Variants in CEMIP2 observed in about 807,000 individuals in gnomAD.
CEMIP2 encodes cell surface hyaluronidase CEMIP2.
In CEMIP2, 79 loss-of-function variants were observed where a neutral mutation model predicts 146.9. The ratio of observed to expected loss-of-function variants is 0.54; its 90% CI spans 0.45 to 0.65. The LOEUF is 0.65. CEMIP2 is among the 30% of genes least tolerant of loss of function. The pLI is 0.00. For missense variants in CEMIP2, 1,596 were observed against 1,696.2 expected (o/e 0.94, Z 1.04); for synonymous variants, 601 against 606.3 (o/e 0.99, Z 0.13).
chr9:71,713,180 T>C (rs1241730291), intron 15 of CEMIP2, among the ~76,000 whole-genome samples: 1 of 152,184 alleles, frequency 6.6e-6, no homozygotes, highest in Non-Finnish European at 1.5e-5. Context: ...TCCCACGTGT[T>C]GTGGGAGGGA....
chr9:71,756,506 T>TCTCACACA (rs1010879160), intron 1 of CEMIP2, among the ~76,000 whole-genome samples: 2 of 112,494 alleles, frequency 1.8e-5, no homozygotes, highest in African/African-American at 6.8e-5. Flanking sequence ...TCTCTCTCTC[T>TCTCACACA]CACACACACA....
chr9:71,702,105 A>G (rs1822577473), intron 18 of CEMIP2, among the ~76,000 whole-genome samples: 1 of 152,068 alleles, frequency 6.6e-6, no homozygotes, highest in Non-Finnish European at 1.5e-5. Flanking sequence ...AAAAAGTACA[A>G]AAATTAGCTG....
intron 5 of CEMIP2, among the ~76,000 whole-genome samples, chr9:71,737,573 A>G (rs967721307): frequency 5.3e-5 from 8 of 152,154 alleles, no homozygotes; most frequent in African/African-American, 1.9e-4. Context: ...AATTATAGAC[A>G]TGGTCCCACT....
intron 12 of CEMIP2, among the ~76,000 whole-genome samples, chr9:71,721,891 C>A (rs937076283): frequency 6.6e-6 from 1 of 152,182 alleles, no homozygotes; most frequent in African/African-American, 2.4e-5. Flanking sequence ...ATACCTAATG[C>A]ATTTTGTGAT....
intron 19 of CEMIP2, chr9:71,699,260 C>T (rs770519825): frequency 4.6e-6 from 1 of 216,506 alleles, no homozygotes; most frequent in Non-Finnish European, 9.9e-6. Context: ...CTATCATCTA[C>T]AGAATGAAAG....
chr9:71,756,976 G>A (rs1824478790), intron 1 of CEMIP2, among the ~76,000 whole-genome samples: 1 of 152,208 alleles, frequency 6.6e-6, no homozygotes, highest in African/African-American at 2.4e-5. Flanking sequence ...GAAAGCGGCA[G>A]CAGTTCAAAA....
Position 71,729,874 on chromosome 9 carries a change from G to C in CEMIP2, c.2020C>G (p.Leu674Val). Residue 674 changes from leucine to valine, a missense_variant, in exon 10 of 24, where the codon CTG (leucine) becomes GTG (valine). Transcript: ENST00000377044. ...GAGCCTGCAGCTGCATTATTAATCA[G>C]ATTATTGTTGGGATGAGCAATCCAG... ...TFWIAHPNNN[L>V]INNAAAGSQD... The C allele has an allele frequency of 6.2e-7, 1 of 1,614,174 alleles. No homozygotes were observed. Among genetic ancestry groups the C allele is most frequent in the South Asian group, 1.1e-5 (1 of 91,082 alleles).
chr9:71,768,891 G>A (rs1282108807), upstream of CEMIP2: 2 of 148,898 alleles, frequency 1.3e-5, no homozygotes. Context: ...GCCGGGAACT[G>A]TGGATTGGGC....
chr9:71,711,247 T>G (rs1253570898), intron 16 of CEMIP2, among the ~76,000 whole-genome samples: 1 of 152,036 alleles, frequency 6.6e-6, no homozygotes, highest in Non-Finnish European at 1.5e-5. Flanking sequence ...ATAAAAACCT[T>G]CCAACAGTTT....
At chr9:71,691,515 G>A (rs929110719) in intron 21 of CEMIP2, among the ~76,000 whole-genome samples, 7 of 152,020 alleles carry the variant, frequency 4.6e-5, no homozygotes, top group African/African-American at 1.7e-4. Context: ...TTTATATGTG[G>A]AAAGACTAGA....
chr9:71,722,456 C>T lies in CEMIP2; in HGVS notation c.2238G>A (p.Arg746=). 6.2e-7 allele frequency: 1 copy of T among 1,613,640 alleles called. No homozygotes were observed. The highest frequency in any genetic ancestry group is 8.5e-7 in the Non-Finnish European group (1 of 1,179,840). ...KTTNSSAADP[R]EYLCLDNSAR... is the part of the protein sequence containing the mutation. ...CACTATTGTCCAAACAGAGGTATTCCCTTGGGTCAGCAGCACTAGAGTTGG... is the reference window on the plus strand; with the variant it reads ...CACTATTGTCCAAACAGAGGTATTCTCTTGGGTCAGCAGCACTAGAGTTGG... The change falls in exon 12 of 24, where the codon AGG becomes AGA. Residue 746 remains arginine, a synonymous_variant. Coordinates refer to ENST00000377044, the MANE Select transcript of CEMIP2 (RefSeq NM_013390.3).
intron 1 of CEMIP2, among the ~76,000 whole-genome samples, chr9:71,753,822 G>A (rs893425440): frequency 1.3e-5 from 2 of 151,964 alleles, no homozygotes; most frequent in African/African-American, 4.8e-5. Flanking sequence ...TAAATTATTC[G>A]TGAAAAAATC....
intron 1 of CEMIP2, among the ~76,000 whole-genome samples, chr9:71,764,238 G>T (rs113882643): frequency 2.0e-5 from 3 of 152,210 alleles, no homozygotes; most frequent in South Asian, 2.1e-4. Flanking sequence ...CCAGAAATTT[G>T]TTACAAGTAA....
chr9:71,693,836 T>C (rs1041943693), intron 21 of CEMIP2, among the ~76,000 whole-genome samples: 1 of 152,212 alleles, frequency 6.6e-6, no homozygotes, highest in Non-Finnish European at 1.5e-5. Context: ...ATTTCTATGT[T>C]GAAATCCTAA....
At chr9:71,746,079 A>G (rs1824077648) in intron 3 of CEMIP2, 122 bp downstream of exon 3, 1 of 1,083,264 alleles carries the variant, frequency 9.2e-7, no homozygotes. Flanking sequence ...CTCCATGGTT[A>G]GAGTGACACC....
chr9:71,747,625 C>G (rs1213510643), intron 2 of CEMIP2, among the ~76,000 whole-genome samples: 1 of 152,040 alleles, frequency 6.6e-6, no homozygotes, highest in African/African-American at 2.4e-5. Context: ...GGAAGAAATT[C>G]CTTTCATTAA....
intron 5 of CEMIP2, among the ~76,000 whole-genome samples, chr9:71,735,306 A>G (rs1823732679): frequency 6.6e-6 from 1 of 152,062 alleles, no homozygotes; most frequent in African/African-American, 2.4e-5. Flanking sequence ...ATCTCTTGCT[A>G]TATTTAACTC....
chr9:71,761,881 G>A (rs938052882), intron 1 of CEMIP2, among the ~76,000 whole-genome samples: 1 of 152,192 alleles, frequency 6.6e-6, no homozygotes, highest in African/African-American at 2.4e-5. Context: ...ATGGAATAGA[G>A]CTTAATTTTC....
intron 1 of CEMIP2, among the ~76,000 whole-genome samples, chr9:71,757,309 C>T (rs969537355): frequency 6.6e-6 from 1 of 152,164 alleles, no homozygotes; most frequent in Non-Finnish European, 1.5e-5. Context: ...AAGATTCAGG[C>T]TTGTGGGAAG....
Sources: gnomAD v4.1 joint callset for allele counts (sites outside exome capture counted in the v4.1 genomes callset) on GRCh38, gnomAD v4.1.1 for gene constraint, MANE v1.5 for transcripts, NCBI Gene and HGNC (gene_info 2026-07-23, HGNC 2026-07-21) for gene names.